The following HOOK2 variants were observed in gnomAD, a reference collection of about 807,000 sequenced individuals.
The protein encoded by HOOK2 is hook microtubule tethering protein 2.
A neutral mutation model predicts 111.9 loss-of-function variants in HOOK2; 108 were observed. The ratio of observed to expected loss-of-function variants is 0.96; its 90% CI spans 0.83 to 1.13. HOOK2 has a LOEUF of 1.13. HOOK2 is among the 50% of genes most tolerant of loss of function. The probability of loss-of-function intolerance (pLI) is 0.00; values close to 1 mark genes in which losing one functional copy is unlikely to be tolerated. For missense variants in HOOK2, 978 were observed against 951.3 expected, an observed-to-expected ratio of 1.03 and a Z score of -0.37; for synonymous variants, 405 against 394.3, an observed-to-expected ratio of 1.03 and a Z score of -0.32.
chr19:12,773,524 G>C (rs1324513284), intron 3 of HOOK2, among the ~76,000 whole-genome samples: 2 of 151,882 alleles, frequency 1.3e-5, no homozygotes, highest in African/African-American at 2.4e-5. Flanking sequence ...TGGGATTACA[G>C]GCATGAGCCA....
intron 14 of HOOK2, 95 bp downstream of exon 14, chr19:12,767,300 C>A: frequency 9.3e-7 from 1 of 1,070,874 alleles, no homozygotes; most frequent in Non-Finnish European, 1.4e-6. Flanking sequence ...GACCAAGCAA[C>A]CGGGGCTAGC....
rs775453452 is a variant in HOOK2, at chr19:12,767,828, A to C, written c.1291T>G (p.Leu431Val). 2.5e-6 allele frequency: 4 copies of C among 1,602,618 alleles called. No homozygotes were observed. Among genetic ancestry groups the C allele is most frequent in the Non-Finnish European group, 2.5e-6 (3 of 1,179,842 alleles). The change falls in exon 13 of 23, where the codon TTG becomes GTG. Residue 431 changes from leucine (L) to valine (V), a missense_variant. Physicochemically the swap from Leu to Val is conservative, Grantham distance 32 (BLOSUM62 1). Around this residue, in one of 5 missense-constraint regions of HOOK2, gnomAD observed 388 missense variants for 358.3 expected, o/e 1.08. Transcript: ENST00000397668. ...GGCTTCATCTCACCGGCCTGGGTCA[A>C]CCCCCGCGGCTGCAGCTGGGCGCAG... ...LRCAQLQPRG[L>V]TQADPSLDPT...
intron 18 of HOOK2, 155 bp downstream of exon 18, chr19:12,765,535 G>C: frequency 9.8e-7 from 1 of 1,019,584 alleles, no homozygotes; most frequent in Non-Finnish European, 1.5e-6. Context: ...ATCATCTGGG[G>C]TCAGGAGTCC....
At position 12,763,165 on chromosome 19, in the gene HOOK2, G is replaced by T; in HGVS notation, c.*117C>A. The T allele has an allele frequency of 5.6e-6, 5 of 898,528 alleles. No individual in the cohort carries two copies. The highest frequency in any genetic ancestry group is 6.7e-6 in the Non-Finnish European group (4 of 593,254). The allele number at this position is 898,528 out of a possible 1,614,324, so 55.7% of individuals were successfully genotyped here. ...CCCCACCAATCTGGGAGAGGGAAGA[G>T]CAGAGATCATGGCCTCAAAGCTCTC... On this transcript the variant is annotated 3_prime_UTR_variant, in exon 23 of 23. Transcript: ENST00000397668.
At position 12,767,865 on chromosome 19, in the gene HOOK2, A is replaced by G. The variant is rs772178741; in HGVS notation, c.1254T>C (p.Asn418=). 7 of 1,607,862 alleles carry G rather than the reference A, an allele frequency of 4.4e-6. No individual in the cohort carries two copies. Among genetic ancestry groups the G allele is most frequent in the Non-Finnish European group, 5.9e-6 (7 of 1,179,912 alleles). Residue 418 remains asparagine, a synonymous_variant, in exon 13 of 23, where the codon AAT becomes AAC. Coordinates refer to ENST00000397668, the MANE Select transcript of HOOK2 (RefSeq NM_013312.3). ...GCAGCTGGGCGCAGCGCAGCTCCTC[A>G]TTGGCCTCCCGCAAGGAGTCCCGCT... The part of the protein sequence containing the change: ...LAERDSLREA[N]EELRCAQLQP...
chr19:12,770,083 C>G lies in HOOK2; in HGVS notation c.903-1G>C. On this transcript the variant is annotated splice_acceptor_variant, in intron 10 of 22. Coordinates refer to ENST00000397668, the MANE Select transcript of HOOK2 (RefSeq NM_013312.3). LOFTEE classifies it high-confidence loss of function. ...CTGCCCAGCACGCTCCGAAGACTGC[C>G]TAGGGGAGTGGGAGGGAAGGGGGAG... 6.7e-7 allele frequency: 1 copy of G among 1,493,600 alleles called. No homozygotes were observed. Among genetic ancestry groups the G allele is most frequent in the Non-Finnish European group, 8.9e-7 (1 of 1,122,330 alleles). The allele number at this position is 1,493,600 out of a possible 1,614,324, so 92.5% of individuals were successfully genotyped here.
Position 12,763,554 on chromosome 19 carries a change from G to C in HOOK2, c.1984C>G (p.Leu662Val), listed in dbSNP as rs369775367. ...SRSQREQEEKLLISAWYNMGM... is the reference protein window; with the variant it reads ...SRSQREQEEKVLISAWYNMGM... The stretch of plus-strand genomic sequence containing the variant: ...ATATTATACCAGGCACTGATGAGCA[G>C]CTTTTCTTCCTGCTCCCGCTGACTT... Residue 662 changes from leucine to valine, a missense_variant, in exon 22 of 23, where the codon CTG becomes GTG. By Grantham distance (32) the Leu-to-Val change is conservative. This residue lies in a region of HOOK2 where 277 missense variants were observed against 265.8 expected (regional missense o/e 1.04). Coordinates refer to ENST00000397668, the MANE Select transcript of HOOK2 (RefSeq NM_013312.3). The C allele has an allele frequency of 2.5e-6, 4 of 1,614,222 alleles. No homozygotes were observed. The highest frequency in any genetic ancestry group is 3.4e-6 in the Non-Finnish European group (4 of 1,180,040).
intron 11 of HOOK2, among the ~76,000 whole-genome samples, chr19:12,769,515 T>C (rs1210123266): frequency 6.6e-6 from 1 of 152,072 alleles, no homozygotes; most frequent in Non-Finnish European, 1.5e-5. Context: ...CTCGAAATCC[T>C]GGGCTCAAGT....
At chr19:12,765,565 T>C (rs919153067) in intron 18 of HOOK2, 125 bp downstream of exon 18, 16 of 1,306,938 alleles carry the variant, frequency 1.2e-5, no homozygotes, top group South Asian at 2.4e-5. Flanking sequence ...CTGGCCAACA[T>C]AGTGAAACCC....
chr19:12,770,709 G>A (rs931776552), intron 10 of HOOK2, among the ~76,000 whole-genome samples: 1 of 143,450 alleles, frequency 7.0e-6, no homozygotes, highest in African/African-American at 2.5e-5. Flanking sequence ...TGGGATAAGG[G>A]GGGGGCAGTG....
intron 14 of HOOK2, 65 bp from the exon 15 acceptor site, chr19:12,766,305 G>A: frequency 6.8e-7 from 1 of 1,463,876 alleles, no homozygotes; most frequent in South Asian, 1.4e-5. Context: ...CTGGGGCTCA[G>A]GGAGAGTGGA....
rs1172582743 is a variant in HOOK2, at chr19:12,771,261, TC to T, written c.658del (p.Glu220SerfsTer64). 1.2e-6 allele frequency: 2 copies of T among 1,606,506 alleles called. No individual in the cohort carries two copies. The highest frequency in any genetic ancestry group is 1.3e-5 in the African/African-American group (1 of 74,866). ...SLAQENAGLR[E>X]RMGRPEGEGT... ...CTCGCCTTCAGGCCGGCCCATCCGC[TC>T]CCGCAGCCCTGCATTCTCTTGCGCC... On this transcript the variant is annotated frameshift_variant, in exon 9 of 23. Transcript: ENST00000397668. LOFTEE classifies it high-confidence loss of function.
In HOOK2 at chr19:12,786,354, GC is replaced by G. The variant is rs1171633423; in HGVS notation, n.42-12130del. 6.6e-6 allele frequency among the ~76,000 whole-genome samples: 1 copy of G among 152,132 alleles called. No individual in the cohort carries two copies. Among genetic ancestry groups the G allele is most frequent in the Non-Finnish European group, 1.5e-5 (1 of 67,980 alleles). On this transcript the variant is annotated intron_variant and non_coding_transcript_variant, in intron 3 of 3. Coordinates refer to the HOOK2 transcript ENST00000589765. The surrounding 1 kb of genome is among the most constrained non-coding windows in gnomAD (Gnocchi z 4.3). ...AGTGAGGGCCCCACTGGTCAGTGGG[GC>G]CAGCAGGGAGGGGGGTCACCGGGCT...
At chr19:12,775,629 A>G (rs1328282706), upstream of HOOK2, 1 of 521,412 alleles carries the variant, frequency 1.9e-6, no homozygotes, top group Non-Finnish European at 3.0e-6. Flanking sequence ...TCGGAACGTA[A>G]TCTCCTCCCT....
upstream of HOOK2, among the ~76,000 whole-genome samples, chr19:12,781,265 T>C (rs1420098328): frequency 2.7e-5 from 4 of 148,838 alleles, no homozygotes; most frequent in African/African-American, 9.9e-5. Context: ...ATCATGCCAC[T>C]GCACTCCAGC....
At chr19:12,776,594 G>A (rs1395984414), upstream of HOOK2, among the ~76,000 whole-genome samples, 5 of 149,246 alleles carry the variant, frequency 3.4e-5, no homozygotes, top group Non-Finnish European at 7.4e-5. Context: ...CAGGAGAATC[G>A]CTTGAACCCT....
intron 20 of HOOK2, chr19:12,764,321 ATTTTT>A (rs35170607): frequency 1.1e-4 from 10 of 90,980 alleles, no homozygotes; most frequent in African/African-American, 4.3e-4. Context: ...GCTGTGCGTA[ATTTTT>A]TTTTTTTTTT....
At chr19:12,773,231 C>CTTTTTTTTTTTTT (rs373156108) in intron 3 of HOOK2, 187 bp from the exon 4 acceptor site, 17 of 254,956 alleles carry the variant, frequency 6.7e-5, no homozygotes, top group African/African-American at 9.8e-5. Flanking sequence ...ATCTTTGTTT[C>CTTTTTTTTTTTTT]TTTTTTTTTT....
chr19:12,767,305 G>T, intron 14 of HOOK2, 90 bp downstream of exon 14: 1 of 1,114,916 alleles, frequency 9.0e-7, no homozygotes, highest in Non-Finnish European at 1.3e-6. Context: ...AGCAACCGGG[G>T]CTAGCAGAAG....
Sources: allele counts gnomAD v4.1 joint callset (sites outside exome capture counted in the v4.1 genomes callset), GRCh38; gene constraint gnomAD v4.1.1; regional missense constraint gnomAD v4.1.1; non-coding constraint Gnocchi (gnomAD v3.1); transcripts MANE v1.5; gene names NCBI Gene and HGNC (gene_info 2026-07-23, HGNC 2026-07-21).